NADK2: variants seen among roughly 807,000 people sequenced by gnomAD.
NADK2 encodes NAD kinase domain-containing protein 1, mitochondrial.
A neutral mutation model predicts 62.1 loss-of-function variants in NADK2; 35 were observed. The ratio of observed to expected loss-of-function variants is 0.56; its 90% CI spans 0.43 to 0.75. The LOEUF (loss-of-function observed/expected upper bound fraction) is 0.75. Ranked by LOEUF, NADK2 falls within the 30% of genes least tolerant of loss-of-function variation. NADK2 has a pLI of 0.00. For missense variants in NADK2, 439 were observed against 561.3 expected (o/e 0.78, Z 2.20); for synonymous variants, 205 against 207.9 (o/e 0.99, Z 0.12).
Position 36,195,133 on chromosome 5 carries a change from G to A in NADK2, c.*11C>T. ...CTCGCCAGTAATCAAAATTTGTCAT[G>A]AGGAAATCCTTCACTGTTCAAGAAG... On this transcript the variant is annotated 3_prime_UTR_variant, in exon 12 of 12. Transcript: ENST00000381937. 2.5e-6 allele frequency: 4 copies of A among 1,592,266 alleles called. No individual in the cohort carries two copies. Among genetic ancestry groups the A allele is most frequent in the Non-Finnish European group, 3.4e-6 (4 of 1,172,384 alleles).
At chr5:36,211,542 G>A (rs6892189) in intron 7 of NADK2, among the ~76,000 whole-genome samples, 8,279 of 119,624 alleles carry the variant, frequency 0.069, 495 homozygotes, top group South Asian at 0.29. Context: ...GCGACAGAGT[G>A]AGACTCAGTC....
intron 7 of NADK2, among the ~76,000 whole-genome samples, 175 bp downstream of exon 7, chr5:36,211,669 C>T (rs1746850594): frequency 6.6e-6 from 1 of 152,104 alleles, no homozygotes; most frequent in Admixed American, 6.6e-5. Flanking sequence ...AATATTCTTT[C>T]CCCTTAATAC....
intron 1 of NADK2, among the ~76,000 whole-genome samples, chr5:36,233,672 T>G (rs888078237): frequency 6.6e-6 from 1 of 152,184 alleles, no homozygotes; most frequent in Non-Finnish European, 1.5e-5. Flanking sequence ...ATCTTTTATT[T>G]AAAGATGTTT....
In NADK2 at chr5:36,205,292, A is replaced by G. The variant is rs1476882573; in HGVS notation, c.956+1878T>C. Among the ~76,000 whole-genome samples, 1 of 147,692 alleles carries G rather than the reference A, an allele frequency of 6.8e-6. No homozygotes were observed. The highest frequency in any genetic ancestry group is 2.5e-5 in the African/African-American group (1 of 40,186). On this transcript the variant is annotated intron_variant, in intron 8 of 11. Coordinates refer to ENST00000381937, the MANE Select transcript of NADK2 (RefSeq NM_001085411.3). This position sits in a 1 kb window ranked among gnomAD's most constrained non-coding sequence, Gnocchi z 4.1. ...GATTAATTCACTGTCTTTATGAAAC[A>G]GGTGAGTGTTAAGGATTTGCTAAAG...
intron 11 of NADK2, 59 bp from the exon 12 acceptor site, chr5:36,195,341 TC>T: frequency 6.7e-7 from 1 of 1,500,160 alleles, no homozygotes; most frequent in Non-Finnish European, 8.9e-7. Context: ...GTTATTTTAA[TC>T]CTGAATTTTA....
intron 8 of NADK2, among the ~76,000 whole-genome samples, chr5:36,202,751 C>T (rs997110703): frequency 3.3e-5 from 5 of 152,174 alleles, no homozygotes; most frequent in East Asian, 1.9e-4. Context: ...GCACAGCAAC[C>T]GGAGGAGCTA....
intron 10 of NADK2, 148 bp downstream of exon 10, chr5:36,200,079 G>C (rs1250755767): frequency 2.5e-6 from 1 of 403,060 alleles, no homozygotes; most frequent in Non-Finnish European, 4.3e-6. Flanking sequence ...TAATCTTTAT[G>C]TTGCTTAAAG....
chr5:36,202,737 T>C (rs1284613214), intron 8 of NADK2, among the ~76,000 whole-genome samples: 3 of 152,074 alleles, frequency 2.0e-5, no homozygotes, highest in Admixed American at 2.0e-4. Flanking sequence ...TTCCACCTTC[T>C]GTAGCACAGC....
At chr5:36,200,672 TC>T (rs1746409856) in intron 9 of NADK2, among the ~76,000 whole-genome samples, 2 of 151,980 alleles carry the variant, frequency 1.3e-5, no homozygotes, top group African/African-American at 4.8e-5. Flanking sequence ...GGGATATGAG[TC>T]ATCCTTTTGT....
At chr5:36,215,347 G>A (rs148576996) in intron 6 of NADK2, among the ~76,000 whole-genome samples, 1 of 152,218 alleles carries the variant, frequency 6.6e-6, no homozygotes, top group Non-Finnish European at 1.5e-5. Context: ...ATGGAGAACA[G>A]GTAATATTTT....
intron 4 of NADK2, 91 bp from the exon 5 acceptor site, chr5:36,219,770 T>A: frequency 1.1e-6 from 1 of 899,224 alleles, no homozygotes. Flanking sequence ...CACTAAGCTA[T>A]AAAAATAAGA....
chr5:36,200,824 T>G (rs1342456819), intron 9 of NADK2, among the ~76,000 whole-genome samples: 1 of 151,948 alleles, frequency 6.6e-6, no homozygotes, highest in Non-Finnish European at 1.5e-5. Flanking sequence ...AAGGCACAAG[T>G]AGTGATGTCG....
chr5:36,207,700 T>C (rs1345176785), intron 7 of NADK2, among the ~76,000 whole-genome samples: 1 of 152,126 alleles, frequency 6.6e-6, no homozygotes, highest in East Asian at 1.9e-4. Context: ...AAGTTATTAA[T>C]AGTTTCTACT....
intron 7 of NADK2, 115 bp downstream of exon 7, chr5:36,211,729 G>T (rs1746852628): frequency 5.1e-6 from 4 of 790,424 alleles, no homozygotes; most frequent in Non-Finnish European, 6.3e-6. Context: ...ATAATGAACT[G>T]CCATTACTTG....
Position 36,193,364 on chromosome 5 carries a change from T to A in NADK2, c.*1780A>T, listed in dbSNP as rs1355511877. 2 of 150,288 alleles carry A rather than the reference T, an allele frequency of 1.3e-5. No homozygotes were observed. The highest frequency in any genetic ancestry group is 4.9e-5 in the African/African-American group (2 of 40,546). 9.3% of individuals were successfully genotyped at this position (150,288 alleles called of 1,614,324 possible). A position where few individuals can be genotyped will look rare whatever the true frequency, so the allele number is the denominator to read the frequency against. On this transcript the variant is annotated 3_prime_UTR_variant, in exon 12 of 12. Transcript: ENST00000381937. ...AGTGGTGCCTGCCTGTAATCCCAGC[T>A]ACTTGGGAGGCTGAGGCAGGAGAAT... is the stretch of plus-strand genomic sequence containing the variant.
chr5:36,242,094 A>G (rs140121684), upstream of NADK2: 876 of 165,162 alleles, frequency 5.3e-3, 9 homozygotes, highest in African/African-American at 0.02. Flanking sequence ...CGTTTCACTC[A>G]CGCCTGCATA....
intron 1 of NADK2, among the ~76,000 whole-genome samples, chr5:36,234,529 T>C (rs1383075701): frequency 2.6e-5 from 4 of 152,146 alleles, no homozygotes; most frequent in African/African-American, 9.7e-5. Context: ...ACACATGATG[T>C]TACACTTGTT....
At position 36,241,407 on chromosome 5, in the gene NADK2, G is replaced by A. The variant is rs1681144471; in HGVS notation, c.300+92C>T. The A allele has an allele frequency of 4.3e-6, 6 of 1,404,696 alleles. No individual in the cohort carries two copies. The highest frequency in any genetic ancestry group is 3.7e-6 in the Non-Finnish European group (4 of 1,082,526). 87.0% of individuals were successfully genotyped at this position (1,404,696 alleles called of 1,614,324 possible). A position where few individuals can be genotyped will look rare whatever the true frequency, so the allele number is the denominator to read the frequency against. ...ACCGGCATCTGCGGTGCCCTGGGAA[G>A]AGTCGTCCCGAGAGGTCCCCCCGAG... is the stretch of plus-strand genomic sequence containing the variant. On this transcript the variant is annotated intron_variant, in intron 1 of 11. Coordinates refer to ENST00000381937, the MANE Select transcript of NADK2 (RefSeq NM_001085411.3). This position sits in a 1 kb window ranked among gnomAD's most constrained non-coding sequence, Gnocchi z 4.9.
At chr5:36,214,369 G>T (rs901666912) in intron 6 of NADK2, among the ~76,000 whole-genome samples, 2 of 152,038 alleles carry the variant, frequency 1.3e-5, no homozygotes, top group Non-Finnish European at 2.9e-5. Flanking sequence ...TAGTAGAGAC[G>T]AGGTTTTACC....
Sources: allele counts gnomAD v4.1 joint callset (sites outside exome capture counted in the v4.1 genomes callset), GRCh38; gene constraint gnomAD v4.1.1; non-coding constraint Gnocchi (gnomAD v3.1); transcripts MANE v1.5; gene names NCBI Gene and HGNC (gene_info 2026-07-23, HGNC 2026-07-21).